The following DHRSX variants were observed in gnomAD, a reference collection of about 807,000 sequenced individuals.
DHRSX encodes the protein dehydrogenase/reductase X-linked.
DHRSX carries 31 observed loss-of-function variants against 34.0 expected under a neutral mutation model. The ratio of observed to expected loss-of-function variants is 0.91; its 90% CI spans 0.69 to 1.23. The LOEUF is 1.23. DHRSX is among the 50% of genes most tolerant of loss of function. The pLI is 0.00. For synonymous variants in DHRSX, 201 were observed against 183.8 expected (o/e 1.09, Z -0.76); for missense variants, 414 against 428.1 (o/e 0.97, Z 0.29).
At chrX:2,442,806 T>C (rs919151116) in intron 1 of DHRSX, among the ~76,000 whole-genome samples, 1 of 152,176 alleles carries the variant, frequency 6.6e-6, no homozygotes, top group Non-Finnish European at 1.5e-5. Context: ...CCGAAGACAT[T>C]TGTACAAACT....
Position 2,362,331 on chromosome X carries a change from C to CA in DHRSX, c.286+46413dup, listed in dbSNP as rs2042942944. ...TGTTTGTTTTTGAAACACAGAGTCT[C>CA]ACTCTGTTGACCAGGTTGGAATGCA... On this transcript the variant is annotated intron_variant, in intron 3 of 6. Transcript: ENST00000334651. Among the ~76,000 whole-genome samples the CA allele has an allele frequency of 3.3e-5, 5 of 152,314 alleles. No individual in the cohort carries two copies. The South Asian group carries it at 1.0e-3, about 32-fold the overall frequency.
intron 1 of DHRSX, among the ~76,000 whole-genome samples, chrX:2,453,775 T>TGTAA (rs1260291659): frequency 1.3e-5 from 2 of 152,178 alleles, no homozygotes; most frequent in African/African-American, 2.4e-5. Context: ...ACATCGCGTC[T>TGTAA]TTCACAATGA....
intron 6 of DHRSX, among the ~76,000 whole-genome samples, chrX:2,222,429 T>C (rs2015541365): frequency 6.6e-6 from 1 of 152,216 alleles, no homozygotes; most frequent in Non-Finnish European, 1.5e-5. Context: ...CACCTCATTA[T>C]ACAACCAGGG....
chrX:2,363,895 C>T (rs2124591440), intron 3 of DHRSX, among the ~76,000 whole-genome samples: 1 of 152,262 alleles, frequency 6.6e-6, no homozygotes, highest in East Asian at 1.9e-4. Flanking sequence ...GAATCCCCGC[C>T]ACAAAACCGG....
chrX:2,260,489 C>T (rs1350761516), intron 5 of DHRSX, among the ~76,000 whole-genome samples: 21 of 147,800 alleles, frequency 1.4e-4, no homozygotes, highest in African/African-American at 4.7e-4. Context: ...GACAGAGTTT[C>T]GCTCTTGTTG....
chrX:2,318,786 A>T (rs1276343406), intron 3 of DHRSX, among the ~76,000 whole-genome samples: 1 of 152,062 alleles, frequency 6.6e-6, no homozygotes, highest in Non-Finnish European at 1.5e-5. Context: ...CTGCCAATGG[A>T]GTGGCCACTC....
At chrX:2,411,847 G>A (rs182821110) in intron 2 of DHRSX, among the ~76,000 whole-genome samples, 101 of 152,284 alleles carry the variant, frequency 6.6e-4, no homozygotes, top group African/African-American at 2.4e-3. Context: ...AGAAAAAGCT[G>A]GGAGCATCAA....
intron 3 of DHRSX, among the ~76,000 whole-genome samples, chrX:2,330,585 G>A (rs1205226538): frequency 6.8e-6 from 1 of 146,922 alleles, no homozygotes; most frequent in African/African-American, 2.5e-5. Context: ...GAGGGGAAGA[G>A]AGGGGAAGGG....
intron 3 of DHRSX, among the ~76,000 whole-genome samples, chrX:2,337,664 C>T (rs1454922128): frequency 6.6e-6 from 1 of 151,990 alleles, no homozygotes; most frequent in Admixed American, 6.6e-5. Context: ...TATCTAACCA[C>T]CTGGAGACGG....
In DHRSX at chrX:2,358,567, C is replaced by T. The variant is rs757805285; in HGVS notation, c.286+50178G>A. Among the ~76,000 whole-genome samples, 16 of 152,024 alleles carry T rather than the reference C, an allele frequency of 1.1e-4. No individual in the cohort carries two copies. The East Asian group carries it at 2.7e-3, about 26-fold the overall frequency. Reference sequence around the variant, plus strand: ...AAAAAAAATTAGCCAGGCATGGTGGCGGGGTTGAGGGCTTGATATGTGGGA... The same window carrying T: ...AAAAAAAATTAGCCAGGCATGGTGGTGGGGTTGAGGGCTTGATATGTGGGA... On this transcript the variant is annotated intron_variant, in intron 3 of 6. Transcript: ENST00000334651.
chrX:2,402,706 TAAAA>T (rs34360426), intron 3 of DHRSX, among the ~76,000 whole-genome samples: 2 of 149,610 alleles, frequency 1.3e-5, no homozygotes, highest in Non-Finnish European at 3.0e-5. Context: ...TTTTTTCTTT[TAAAA>T]AAAAAAATTG....
At chrX:2,498,436 G>GTA (rs1441056938) in intron 1 of DHRSX, among the ~76,000 whole-genome samples, 18 of 152,074 alleles carry the variant, frequency 1.2e-4, no homozygotes, top group African/African-American at 4.1e-4. Context: ...TCCTCCACTG[G>GTA]TATCGAAAAT....
chrX:2,453,117 C>T (rs2044247915), intron 1 of DHRSX, among the ~76,000 whole-genome samples: 2 of 152,114 alleles, frequency 1.3e-5, no homozygotes, highest in Non-Finnish European at 2.9e-5. Context: ...ATGAAACAGG[C>T]ACAGAGAGAC....
At chrX:2,247,657 A>C (rs1198609173) in intron 5 of DHRSX, among the ~76,000 whole-genome samples, 1 of 24,146 alleles carries the variant, frequency 4.1e-5, no homozygotes, top group South Asian at 8.8e-4. Context: ...CCGTCTCACA[A>C]AAAAAAAAAA....
intron 1 of DHRSX, among the ~76,000 whole-genome samples, chrX:2,477,564 G>A (rs1388814958): frequency 7.1e-6 from 1 of 141,142 alleles, no homozygotes; most frequent in Admixed American, 6.9e-5. Flanking sequence ...AGAAAGGTGC[G>A]GCCAGGCGCG....
intron 1 of DHRSX, among the ~76,000 whole-genome samples, chrX:2,460,171 C>A (rs1221617313): frequency 1.3e-5 from 2 of 152,088 alleles, no homozygotes; most frequent in African/African-American, 2.4e-5. Context: ...GATGACCTTC[C>A]AGTGAGCACA....
intron 4 of DHRSX, among the ~76,000 whole-genome samples, chrX:2,274,311 T>C (rs1385543859): frequency 6.6e-6 from 1 of 151,266 alleles, no homozygotes; most frequent in Non-Finnish European, 1.5e-5. Flanking sequence ...GTGCTGGGAC[T>C]ACAGGTGTGA....
chrX:2,454,690 A>G (rs1469286383), intron 1 of DHRSX, among the ~76,000 whole-genome samples: 1 of 152,146 alleles, frequency 6.6e-6, no homozygotes, highest in Non-Finnish European at 1.5e-5. Context: ...AAAGGCCAAC[A>G]CCATTCTAAT....
intron 1 of DHRSX, among the ~76,000 whole-genome samples, chrX:2,447,898 A>G (rs2044159346): frequency 6.8e-6 from 1 of 147,922 alleles, no homozygotes; most frequent in Non-Finnish European, 1.5e-5. Context: ...CAAAGAACAT[A>G]ACATTTCAGT....
Sources: allele counts gnomAD v4.1 joint callset (sites outside exome capture counted in the v4.1 genomes callset), GRCh38; gene constraint gnomAD v4.1.1; transcripts MANE v1.5; gene names NCBI Gene and HGNC (gene_info 2026-07-23, HGNC 2026-07-21).